ZFAND3: variants seen among roughly 807,000 people sequenced by gnomAD.
The protein encoded by ZFAND3 is zinc finger AN1-type containing 3, also known as AN1-type zinc finger protein 3.
ZFAND3 carries 10 observed loss-of-function variants against 29.6 expected under a neutral mutation model. The observed-to-expected ratio is 0.34, with a 90% CI of 0.21 to 0.57. ZFAND3 has a LOEUF of 0.57. Ranked by LOEUF, ZFAND3 falls within the 20% of genes least tolerant of loss-of-function variation. ZFAND3 has a pLI of 0.86. For synonymous variants in ZFAND3, 128 were observed against 112.6 expected (o/e 1.14, Z -0.87); for missense variants, 230 against 304.5 (o/e 0.76, Z 1.82).
intron 2 of ZFAND3, among the ~76,000 whole-genome samples, chr6:37,963,764 A>G (rs1442498243): frequency 1.3e-5 from 2 of 151,960 alleles, no homozygotes; most frequent in South Asian, 2.1e-4. Flanking sequence ...TTTCCTCTCA[A>G]TCTAGAATTT....
rs1168695805 is a variant in ZFAND3, at chr6:38,111,498, C to T, written c.362-5074C>T. Among the ~76,000 whole-genome samples, 5 of 152,160 alleles carry T rather than the reference C, an allele frequency of 3.3e-5. No individual in the cohort carries two copies. The East Asian group carries it at 7.7e-4, about 23-fold the overall frequency. On this transcript the variant is annotated intron_variant, in intron 4 of 5. Transcript: ENST00000287218. Reference sequence around the variant, plus strand: ...ATGCACAGATTTCCTTCTGCCTCTGCCATCCCAGAAACTGCAAGACCAGCC... The same window carrying T: ...ATGCACAGATTTCCTTCTGCCTCTGTCATCCCAGAAACTGCAAGACCAGCC...
At chr6:37,876,739 G>T (rs976828971) in intron 1 of ZFAND3, among the ~76,000 whole-genome samples, 4 of 152,212 alleles carry the variant, frequency 2.6e-5, no homozygotes, top group African/African-American at 9.6e-5. Context: ...TGAAAGAGCA[G>T]TAAGCCTCTT....
Position 38,010,271 on chromosome 6 carries a change from G to A in ZFAND3, c.113-51322G>A, listed in dbSNP as rs1329268130. 3.3e-5 allele frequency among the ~76,000 whole-genome samples: 5 copies of A among 152,222 alleles called. No individual in the cohort carries two copies. In the East Asian group the frequency reaches 7.7e-4, roughly 24 times the overall value. ...TGCATAGCTTTGGGATGTGGGAAGA[G>A]TACGCAGAAAAAAAACAGGTGTGCA... On this transcript the variant is annotated intron_variant, in intron 2 of 5. Coordinates refer to ENST00000287218, the MANE Select transcript of ZFAND3 (RefSeq NM_021943.3).
chr6:38,101,715 G>A (rs1162970460), intron 4 of ZFAND3, among the ~76,000 whole-genome samples: 2 of 148,570 alleles, frequency 1.3e-5, no homozygotes, highest in Non-Finnish European at 3.0e-5. Flanking sequence ...TGGAGGTTGC[G>A]GTGAGCGGAG....
At chr6:37,884,914 A>C (rs904240621) in intron 1 of ZFAND3, among the ~76,000 whole-genome samples, 1 of 152,236 alleles carries the variant, frequency 6.6e-6, no homozygotes, top group African/African-American at 2.4e-5. Context: ...GAATTCATCT[A>C]TATTTTCCCT....
At chr6:38,078,690 T>C (rs549363361) in intron 3 of ZFAND3, among the ~76,000 whole-genome samples, 1 of 152,190 alleles carries the variant, frequency 6.6e-6, no homozygotes, top group Non-Finnish European at 1.5e-5. Flanking sequence ...TGCTTAGAAA[T>C]ACATCTATTG....
At chr6:38,120,276 G>A (rs1172160970) in intron 5 of ZFAND3, among the ~76,000 whole-genome samples, 4 of 141,880 alleles carry the variant, frequency 2.8e-5, no homozygotes, top group Non-Finnish European at 6.0e-5. Flanking sequence ...CAAGAATGCC[G>A]TCTTCTCTGA....
intron 4 of ZFAND3, among the ~76,000 whole-genome samples, chr6:38,102,396 A>T (rs1765113173): frequency 6.6e-6 from 1 of 152,118 alleles, no homozygotes; most frequent in South Asian, 2.1e-4. Flanking sequence ...TTAGTGTCTC[A>T]TTCATCTTTA....
chr6:37,880,866 T>A (rs1359624283), intron 1 of ZFAND3, among the ~76,000 whole-genome samples: 4 of 90,412 alleles, frequency 4.4e-5, no homozygotes, highest in Non-Finnish European at 8.0e-5. Flanking sequence ...TGTGGTGGGG[T>A]CGGGGGAGGG....
chr6:38,033,335 TA>T (rs1763597323), intron 2 of ZFAND3, among the ~76,000 whole-genome samples: 1 of 152,168 alleles, frequency 6.6e-6, no homozygotes, highest in Non-Finnish European at 1.5e-5. Flanking sequence ...ATTATTTTTT[TA>T]AAAAAGGAAA....
intron 1 of ZFAND3, among the ~76,000 whole-genome samples, chr6:37,899,999 T>G (rs1765290206): frequency 6.6e-6 from 1 of 152,220 alleles, no homozygotes; most frequent in Admixed American, 6.5e-5. Context: ...GTATGTAGAA[T>G]TACGTCATTC....
intron 4 of ZFAND3, among the ~76,000 whole-genome samples, chr6:38,088,764 A>G (rs1220055404): frequency 6.6e-6 from 1 of 152,190 alleles, no homozygotes; most frequent in Non-Finnish European, 1.5e-5. Context: ...GATGGTTAAA[A>G]CATGCTGTGT....
At chr6:37,983,096 A>G (rs1286442948) in intron 2 of ZFAND3, among the ~76,000 whole-genome samples, 1 of 152,216 alleles carries the variant, frequency 6.6e-6, no homozygotes, top group African/African-American at 2.4e-5. Context: ...AAATGTTAAT[A>G]CAAAAGAGTC....
At chr6:38,023,036 T>C (rs1763380171) in intron 2 of ZFAND3, among the ~76,000 whole-genome samples, 1 of 152,210 alleles carries the variant, frequency 6.6e-6, no homozygotes, top group Admixed American at 6.5e-5. Flanking sequence ...AAATCAAAGT[T>C]GCTACTAGAA....
At position 37,925,825 on chromosome 6, in the gene ZFAND3, T is replaced by C. The variant is rs78084791; in HGVS notation, c.72-4134T>C. On this transcript the variant is annotated intron_variant, in intron 1 of 5. Coordinates refer to ENST00000287218, the MANE Select transcript of ZFAND3 (RefSeq NM_021943.3). ...TTGTGGGAAATACTGAGAATTCTAA[T>C]TTGAAATACTAAGTTTGAGTCAAAC... Among the ~76,000 whole-genome samples, 1,427 of 152,328 alleles carry C rather than the reference T, an allele frequency of 9.4e-3. 18 individuals carry two copies. Among genetic ancestry groups the C allele is most frequent in the African/African-American group, 0.033 (1,373 of 41,562 alleles).
In ZFAND3 at chr6:38,053,055, GAA is replaced by G. The variant is rs139231271; in HGVS notation, c.113-8529_113-8528del. Among the ~76,000 whole-genome samples, 43 of 146,336 alleles carry G rather than the reference GAA, an allele frequency of 2.9e-4. No individual in the cohort carries two copies. In the South Asian group the frequency reaches 4.8e-3, roughly 16 times the overall value. On this transcript the variant is annotated intron_variant, in intron 2 of 5. Transcript: ENST00000287218. ...TTTCGAAAAAAAAAAAAAAGAAAAA[GAA>G]AAAAAAAATAGCACTTCGTGTTGAG...
At chr6:37,970,624 GGC>G (rs1284495366) in intron 2 of ZFAND3, among the ~76,000 whole-genome samples, 1 of 152,126 alleles carries the variant, frequency 6.6e-6, no homozygotes, top group Non-Finnish European at 1.5e-5. Flanking sequence ...TATGGGGCCA[GGC>G]GCGCGGTGGC....
chr6:37,919,618 G>A lies in ZFAND3; in HGVS notation c.72-10341G>A, dbSNP rs561115664. Among the ~76,000 whole-genome samples the A allele has an allele frequency of 3.1e-3, 466 of 152,186 alleles. 3 individuals are homozygous for A. The highest frequency in any genetic ancestry group is 0.011 in the African/African-American group (443 of 41,516). On this transcript the variant is annotated intron_variant, in intron 1 of 5. Transcript: ENST00000287218. ...TCCCAAGCCACAAGAATTCATTCAT[G>A]TAACATTAGGAGAGTTGTCATCATC...
chr6:37,994,824 A>C (rs1762822065), intron 2 of ZFAND3, among the ~76,000 whole-genome samples: 1 of 152,222 alleles, frequency 6.6e-6, no homozygotes, highest in East Asian at 1.9e-4. Context: ...TTTTGTAAAC[A>C]AACATTCATC....
Sources: allele counts gnomAD v4.1 joint callset (sites outside exome capture counted in the v4.1 genomes callset), GRCh38; gene constraint gnomAD v4.1.1; transcripts MANE v1.5; gene names NCBI Gene and HGNC (gene_info 2026-07-23, HGNC 2026-07-21).